Variants in CHGB observed in about 807,000 individuals in gnomAD.
CHGB encodes the protein chromogranin B, also known as secretogranin-1.
CHGB carries 46 observed loss-of-function variants against 69.9 expected under a neutral mutation model. That is an observed-to-expected ratio of 0.66 (90% CI 0.52 to 0.84). The LOEUF (loss-of-function observed/expected upper bound fraction) is 0.84, where lower values mean the gene tolerates loss of function less well. CHGB is among the 40% of genes least tolerant of loss of function. The pLI is 0.00. For synonymous variants in CHGB, 312 were observed against 298.2 expected, an observed-to-expected ratio of 1.05 and a Z score of -0.48; for missense variants, 796 against 822.2, an observed-to-expected ratio of 0.97 and a Z score of 0.39.
At chr20:5,916,254 T>G in intron 1 of CHGB, 72 bp from the exon 2 acceptor site, 3 of 1,183,222 alleles carry the variant, frequency 2.5e-6, no homozygotes, top group Middle Eastern at 1.9e-4. Flanking sequence ...TGTGGGGTGA[T>G]TTTGTCAGTT....
chr20:5,919,275 G>C (rs570706746), intron 3 of CHGB, among the ~76,000 whole-genome samples: 168 of 152,290 alleles, frequency 1.1e-3, no homozygotes, highest in African/African-American at 3.9e-3. Context: ...GAGGTCTTTT[G>C]GTGTCTGTTG....
rs1457373915 is a variant in CHGB, at chr20:5,923,057, G to A, written c.913G>A (p.Gly305Arg). 6.2e-7 allele frequency: 1 copy of A among 1,613,844 alleles called. No individual in the cohort carries two copies. The highest frequency in any genetic ancestry group is 8.5e-7 in the Non-Finnish European group (1 of 1,179,920). ...AGGGAGTCTTCCCTCTGAGGAAAAG[G>A]GACACCCCCAGGAGGAATCTGAGGA... ...QGGSLPSEEK[G>R]HPQEESEESN... The change falls in exon 4 of 5, where the codon GGA becomes AGA. Residue 305 changes from glycine to arginine, a missense_variant. Gly to Arg is a moderately radical substitution (Grantham distance 125). Transcript: ENST00000378961.
rs2088479571 is a variant in CHGB, at chr20:5,916,994, T to C, written c.190+75T>C. 3 of 1,310,712 alleles carry C rather than the reference T, an allele frequency of 2.3e-6. No homozygotes were observed. In the South Asian group the frequency reaches 3.5e-5, roughly 15 times the overall value. The allele number at this position is 1,310,712 out of a possible 1,614,324, so 81.2% of individuals were successfully genotyped here. ...TTCCTACTCCCTCCACATCACCTTCTACTTTATCTACAAATGACCTGGGGG... is the reference window on the plus strand; with the variant it reads ...TTCCTACTCCCTCCACATCACCTTCCACTTTATCTACAAATGACCTGGGGG... On this transcript the variant is annotated intron_variant, in intron 3 of 4. Transcript: ENST00000378961.
In CHGB at chr20:5,916,917, C is replaced by G. The variant is rs143107119; in HGVS notation, c.188C>G (p.Thr63Arg). Residue 63 changes from threonine to arginine, a missense_variant and splice_region_variant, in exon 3 of 5, where the codon ACG becomes AGG. Physicochemically the swap from Thr to Arg is moderately conservative, Grantham distance 71. Transcript: ENST00000378961. Reference sequence around the variant, plus strand: ...CCTGAGTGCCGCCAAGTCCTGAAGACGAGTAAGTGTCCCACACGGCAGGCA... The same window carrying G: ...CCTGAGTGCCGCCAAGTCCTGAAGAGGAGTAAGTGTCCCACACGGCAGGCA... ...ITPECRQVLK[T>R]SRKDVKDKET... 1.9e-6 allele frequency: 3 copies of G among 1,613,928 alleles called. No homozygotes were observed. Among genetic ancestry groups the G allele is most frequent in the African/African-American group, 2.7e-5 (2 of 74,906 alleles).
Position 5,922,574 on chromosome 20 carries a change from T to G in CHGB, c.430T>G (p.Ser144Ala), listed in dbSNP as rs184354829. ...ADEPQWSLYP[S>A]DSQVSEEVKT... The stretch of plus-strand genomic sequence containing the variant: ...TGAGCCCCAGTGGAGCCTCTATCCC[T>G]CCGACAGCCAAGTCTCTGAAGAAGT... The change falls in exon 4 of 5, where the codon TCC becomes GCC. Residue 144 changes from serine (S) to alanine (A), a missense_variant. Transcript: ENST00000378961. 5 of 1,613,522 alleles carry G rather than the reference T, an allele frequency of 3.1e-6. No individual in the cohort carries two copies. In the East Asian group the frequency reaches 1.1e-4, roughly 36 times the overall value.
In CHGB at chr20:5,923,708, T is replaced by C; in HGVS notation, c.1564T>C (p.Phe522Leu). 1 of 1,614,124 alleles carries C rather than the reference T, an allele frequency of 6.2e-7. No homozygotes were observed. The highest frequency in any genetic ancestry group is 8.5e-7 in the Non-Finnish European group (1 of 1,180,016). The change falls in exon 4 of 5, where the codon TTC becomes CTC. Residue 522 changes from phenylalanine to leucine, a missense_variant. Phe to Leu is a conservative substitution (Grantham distance 22). Around this residue, in one of 3 missense-constraint regions of CHGB, gnomAD observed 274 missense variants for 298.9 expected, o/e 0.92. Transcript: ENST00000378961. Reference protein sequence around the residue: ...AEKRKRLGELFNPYYDPLQWK... With the variant: ...AEKRKRLGELLNPYYDPLQWK... ...AAAGAGGAAGAGATTAGGGGAACTG[T>C]TCAACCCATACTACGACCCTCTCCA... is the stretch of plus-strand genomic sequence containing the variant.
In CHGB at chr20:5,922,467, GGGA is replaced by G; in HGVS notation, c.330_332del (p.Glu110del). On this transcript the variant is annotated inframe_deletion, in exon 4 of 5. Transcript: ENST00000378961. Reference sequence around the variant, plus strand: ...AGCAGGGGAGAGGCAGGAGCCCCAGGGGAGGAGGACATCCAAGGCCCAACAAAG... The same window carrying G: ...AGCAGGGGAGAGGCAGGAGCCCCAGGGGAGGACATCCAAGGCCCAACAAAG... The G allele has an allele frequency of 6.2e-7, 1 of 1,613,732 alleles. No individual in the cohort carries two copies. The highest frequency in any genetic ancestry group is 8.5e-7 in the Non-Finnish European group (1 of 1,179,708).
rs1283197012 is a variant in CHGB at position 5,923,526 on chromosome 20, A to G, written c.1382A>G (p.Gln461Arg). ...NQMDKARRHP[Q>R]GAWKELDRNY... ...ATGGACAAGGCAAGGAGGCATCCACAAGGTGCGTGGAAAGAGCTGGACAGA... is the reference window on the plus strand; with the variant it reads ...ATGGACAAGGCAAGGAGGCATCCACGAGGTGCGTGGAAAGAGCTGGACAGA... The change falls in exon 4 of 5, where the codon CAA becomes CGA. Residue 461 changes from glutamine (Q) to arginine (R), a missense_variant. Physicochemically the swap from Gln to Arg is conservative, Grantham distance 43. Coordinates refer to ENST00000378961, the MANE Select transcript of CHGB (RefSeq NM_001819.3). 1 of 1,614,200 alleles carries G rather than the reference A, an allele frequency of 6.2e-7. No homozygotes were observed.
At chr20:5,919,956 AT>A (rs2088503799) in intron 3 of CHGB, among the ~76,000 whole-genome samples, 1 of 152,234 alleles carries the variant, frequency 6.6e-6, no homozygotes, top group Admixed American at 6.5e-5. Flanking sequence ...ACGTAGTCTA[AT>A]TTCTTCACAG....
Position 5,922,364 on chromosome 20 carries a change from A to G in CHGB, c.220A>G (p.Thr74Ala), listed in dbSNP as rs974670767. 4 of 1,564,188 alleles carry G rather than the reference A, an allele frequency of 2.6e-6. No homozygotes were observed. The highest frequency in any genetic ancestry group is 1.4e-5 in the African/African-American group (1 of 72,740). Residue 74 changes from threonine (T) to alanine (A), a missense_variant, in exon 4 of 5, where the codon ACT (threonine) becomes GCT (alanine). This residue lies in a region of CHGB where 518 missense variants were observed against 506.3 expected (regional missense o/e 1.02). Transcript: ENST00000378961. ...SRKDVKDKET[T>A]ENENTKFEVR... ...AAAAGACGTCAAAGACAAAGAGACA[A>G]CTGAAAATGAAAACACAAAGTTTGA...
At position 5,925,092 on chromosome 20, in the gene CHGB, A is replaced by G; in HGVS notation, c.*43A>G. 1 of 1,393,356 alleles carries G rather than the reference A, an allele frequency of 7.2e-7. No homozygotes were observed. The highest frequency in any genetic ancestry group is 1.0e-6 in the Non-Finnish European group (1 of 991,856). The allele number at this position is 1,393,356 out of a possible 1,614,324, so 86.3% of individuals were successfully genotyped here. Reference sequence around the variant, plus strand: ...GGCACTGTTAAGAAGCAGCCATCACATGATCTGTTTTTCACCACTTCACTG... The same window carrying G: ...GGCACTGTTAAGAAGCAGCCATCACGTGATCTGTTTTTCACCACTTCACTG... On this transcript the variant is annotated 3_prime_UTR_variant, in exon 5 of 5. Transcript: ENST00000378961.
intron 3 of CHGB, chr20:5,917,287 G>A (rs1251486655): frequency 4.9e-6 from 1 of 205,232 alleles, no homozygotes; most frequent in South Asian, 9.2e-5. Context: ...GCTGGTTTGT[G>A]ATTAGATGAG....
Position 5,911,555 on chromosome 20 carries a change from A to G in CHGB, c.-79A>G, listed in dbSNP as rs1376196891. The G allele has an allele frequency of 1.4e-6, 2 of 1,451,712 alleles. No individual in the cohort carries two copies. The highest frequency in any genetic ancestry group is 1.2e-5 in the South Asian group (1 of 81,614). The allele number at this position is 1,451,712 out of a possible 1,614,324, so 89.9% of individuals were successfully genotyped here. A position where few individuals can be genotyped will look rare whatever the true frequency, so the allele number is the denominator to read the frequency against. On this transcript the variant is annotated 5_prime_UTR_variant, in exon 1 of 5. Transcript: ENST00000378961. ...CACGCTGGTTTTCCGGGGCCGCTCC[A>G]TCGCGCCTTCCTCCTGCGCCTCGCT...
intron 1 of CHGB, among the ~76,000 whole-genome samples, chr20:5,914,346 G>A (rs2088463663): frequency 6.6e-6 from 1 of 151,966 alleles, no homozygotes; most frequent in African/African-American, 2.4e-5. Context: ...ATCAAAAAGA[G>A]ATCTGAAGAG....
rs139054240 is a variant in CHGB at position 5,923,224 on chromosome 20, G to A, written c.1080G>A (p.Glu360=). 193 of 1,613,862 alleles carry A rather than the reference G, an allele frequency of 1.2e-4. 1 individual carries two copies. Among genetic ancestry groups the A allele is most frequent in the Non-Finnish European group, 1.6e-4 (185 of 1,179,856 alleles). ...AGGCCCCTGAGGACCTGGAGTGGGA[G>A]CGCTATAGGGGCAGAGGAAGTGAAG... is the stretch of plus-strand genomic sequence containing the variant. ...GVQAPEDLEW[E]RYRGRGSEEY... is the part of the protein sequence containing the mutation. The change falls in exon 4 of 5, where the codon GAG becomes GAA. Residue 360 remains glutamate (E), a synonymous_variant. Transcript: ENST00000378961.
chr20:5,917,196 C>T (rs1295912830), intron 3 of CHGB: 9 of 429,230 alleles, frequency 2.1e-5, no homozygotes, highest in Admixed American at 3.6e-5. Flanking sequence ...TTTCAGATGT[C>T]TATCCGTTCT....
chr20:5,917,980 CAAAA>C (rs34483659), intron 3 of CHGB: 6 of 114,246 alleles, frequency 5.3e-5, no homozygotes, highest in Admixed American at 1.7e-4. Flanking sequence ...ACTAAAAATA[CAAAA>C]AAAAAAAAAA....
intron 3 of CHGB, among the ~76,000 whole-genome samples, chr20:5,918,846 G>C (rs1222233807): frequency 1.2e-5 from 1 of 83,902 alleles, no homozygotes; most frequent in Non-Finnish European, 2.4e-5. Flanking sequence ...AAAAAAAAAA[G>C]AGCAACCTGA....
In CHGB at chr20:5,923,959, C is replaced by T. The variant is rs769689459; in HGVS notation, c.1815C>T (p.Ala605=). ...LDLKRQYDRV[A]QLDQLLHYRK... The stretch of plus-strand genomic sequence containing the variant: ...TGAAAAGGCAATATGACAGGGTGGC[C>T]CAACTGGACCAGCTCCTTCACTACA... Residue 605 remains alanine, a synonymous_variant, in exon 4 of 5, where the codon GCC becomes GCT. Coordinates refer to ENST00000378961, the MANE Select transcript of CHGB (RefSeq NM_001819.3). 7 of 1,613,848 alleles carry T rather than the reference C, an allele frequency of 4.3e-6. No homozygotes were observed. The Admixed American group carries it at 1.2e-4, about 27-fold the overall frequency.
Sources: gnomAD v4.1 joint callset for allele counts (sites outside exome capture counted in the v4.1 genomes callset) on GRCh38, gnomAD v4.1.1 for gene constraint, gnomAD v4.1.1 regional missense constraint, MANE v1.5 for transcripts, NCBI Gene and HGNC (gene_info 2026-07-23, HGNC 2026-07-21) for gene names.